The following CDKAL1 variants were observed in gnomAD, a reference collection of about 807,000 sequenced individuals.
CDKAL1 encodes the protein threonylcarbamoyladenosine tRNA methylthiotransferase.
CDKAL1 carries 32 observed loss-of-function variants against 68.2 expected under a neutral mutation model. The ratio of observed to expected loss-of-function variants is 0.47; its 90% CI spans 0.35 to 0.63. The LOEUF is 0.63. Ranked by LOEUF, CDKAL1 falls within the 30% of genes least tolerant of loss-of-function variation. CDKAL1 has a pLI of 0.00. For missense variants in CDKAL1, 606 were observed against 696.7 expected, an observed-to-expected ratio of 0.87 and a Z score of 1.47; for synonymous variants, 234 against 244.3, an observed-to-expected ratio of 0.96 and a Z score of 0.39.
intron 13 of CDKAL1, among the ~76,000 whole-genome samples, chr6:21,194,988 C>T (rs9366389): frequency 6.6e-6 from 1 of 152,174 alleles, no homozygotes; most frequent in Admixed American, 6.5e-5. Flanking sequence ...GTTGCCCAGA[C>T]TGGAGTGCAG....
At chr6:20,595,435 TG>T (rs1765779188) in intron 4 of CDKAL1, among the ~76,000 whole-genome samples, 1 of 152,112 alleles carries the variant, frequency 6.6e-6, no homozygotes, top group Admixed American at 6.5e-5. Flanking sequence ...CTTTAGTCTC[TG>T]ATATCCTTTC....
At chr6:20,746,658 A>G (rs1773676222) in intron 6 of CDKAL1, among the ~76,000 whole-genome samples, 1 of 152,232 alleles carries the variant, frequency 6.6e-6, no homozygotes, top group East Asian at 1.9e-4. Flanking sequence ...GTAAAGGGGA[A>G]ACATCTGAAC....
chr6:21,001,817 T>G (rs1028085021), intron 11 of CDKAL1, among the ~76,000 whole-genome samples: 5 of 152,234 alleles, frequency 3.3e-5, no homozygotes, highest in Non-Finnish European at 7.3e-5. Context: ...TCAAGTCAGT[T>G]GCACTTGTGA....
At position 21,000,301 on chromosome 6, in the gene CDKAL1, C is replaced by T. The variant is rs777514335; in HGVS notation, c.984C>T (p.Ser328=). Residue 328 remains serine (S), a synonymous_variant, in exon 11 of 16, where the codon AGC becomes AGT. Transcript: ENST00000274695. ...TACCAGTCCAGTCTGCCTCCGACAG[C>T]GTACTCATGGAAATGAAAAGAGAAT... The part of the protein sequence containing the change: ...LHIPVQSASD[S]VLMEMKREYC... 29 of 1,613,408 alleles carry T rather than the reference C, an allele frequency of 1.8e-5. No individual in the cohort carries two copies. Among genetic ancestry groups the T allele is most frequent in the Non-Finnish European group, 2.2e-5 (26 of 1,179,418 alleles).
intron 4 of CDKAL1, among the ~76,000 whole-genome samples, chr6:20,626,092 C>G (rs979276958): frequency 3.3e-5 from 5 of 152,128 alleles, no homozygotes; most frequent in African/African-American, 9.7e-5. Context: ...TATTTTACTT[C>G]TAAGTTCACT....
intron 8 of CDKAL1, among the ~76,000 whole-genome samples, chr6:20,809,963 G>A (rs9358371): frequency 0.28 from 43,256 of 151,818 alleles, 7,276 homozygotes; most frequent in East Asian, 0.37. Flanking sequence ...GGAAAAACAA[G>A]CATCAAGTTG....
At chr6:20,899,079 T>G (rs895280780) in intron 9 of CDKAL1, among the ~76,000 whole-genome samples, 4 of 148,232 alleles carry the variant, frequency 2.7e-5, no homozygotes, top group Non-Finnish European at 4.5e-5. Flanking sequence ...TTTTTTTTTT[T>G]TTTTTGATGG....
intron 4 of CDKAL1, among the ~76,000 whole-genome samples, chr6:20,625,521 G>A (rs1767390095): frequency 1.3e-5 from 2 of 152,064 alleles, no homozygotes; most frequent in African/African-American, 2.4e-5. Flanking sequence ...ACAAATCCCT[G>A]AAAATCAGTG....
chr6:21,154,501 A>G (rs1776551944), intron 13 of CDKAL1, among the ~76,000 whole-genome samples: 1 of 152,204 alleles, frequency 6.6e-6, no homozygotes, highest in African/African-American at 2.4e-5. Context: ...ATATTAACCA[A>G]TCCTTATACT....
chr6:20,640,073 T>C (rs1768098926), intron 4 of CDKAL1, among the ~76,000 whole-genome samples: 1 of 150,992 alleles, frequency 6.6e-6, no homozygotes, highest in South Asian at 2.1e-4. Flanking sequence ...AGGCAGTCAA[T>C]GATTTGTGTT....
intron 12 of CDKAL1, among the ~76,000 whole-genome samples, chr6:21,099,672 C>G (rs1162822587): frequency 2.0e-5 from 3 of 152,180 alleles, no homozygotes. Flanking sequence ...TATAGCAACT[C>G]GTGTTCTTAT....
At chr6:21,000,402 C>T (rs367818741) in intron 11 of CDKAL1, 30 bp downstream of exon 11, 23 of 1,569,430 alleles carry the variant, frequency 1.5e-5, no homozygotes, top group Non-Finnish European at 2.0e-5. Context: ...AGAAAATAAC[C>T]ATTTCTTTTT....
chr6:20,720,648 C>T (rs190549234), intron 5 of CDKAL1, among the ~76,000 whole-genome samples: 155 of 152,154 alleles, frequency 1.0e-3, no homozygotes, highest in African/African-American at 3.3e-3. Flanking sequence ...TACAGGCATA[C>T]GCCACCAGGC....
chr6:20,918,386 C>T (rs1762809906), intron 9 of CDKAL1, among the ~76,000 whole-genome samples: 1 of 152,176 alleles, frequency 6.6e-6, no homozygotes, highest in Non-Finnish European at 1.5e-5. Context: ...GACATAGTTG[C>T]AAAATGGTTA....
intron 7 of CDKAL1, among the ~76,000 whole-genome samples, chr6:20,770,829 G>C (rs1774910199): frequency 6.6e-6 from 1 of 152,182 alleles, no homozygotes; most frequent in South Asian, 2.1e-4. Flanking sequence ...TCTAGGAAAA[G>C]GTACTGTGAA....
intron 8 of CDKAL1, among the ~76,000 whole-genome samples, chr6:20,797,809 ATTTTATTTT>A (rs1057074580): frequency 6.8e-6 from 1 of 146,270 alleles, no homozygotes; most frequent in Admixed American, 6.9e-5. Flanking sequence ...ATTTTATTTT[ATTTTATTTT>A]ATTTTATTTT....
intron 8 of CDKAL1, chr6:20,800,461 T>G (rs1257754526): frequency 6.6e-6 from 1 of 152,104 alleles, no homozygotes; most frequent in Non-Finnish European, 1.5e-5. Context: ...AAGGGAGGAA[T>G]TGCAAAGGTA....
intron 13 of CDKAL1, among the ~76,000 whole-genome samples, chr6:21,192,842 T>G (rs1778312931): frequency 6.8e-6 from 1 of 147,648 alleles, no homozygotes; most frequent in Admixed American, 6.8e-5. Context: ...AGAGATAGGA[T>G]CTTTCTCTGT....
At chr6:20,945,362 T>C (rs1333621266) in intron 9 of CDKAL1, among the ~76,000 whole-genome samples, 1 of 152,192 alleles carries the variant, frequency 6.6e-6, no homozygotes, top group Non-Finnish European at 1.5e-5. Context: ...GAAAAAAATC[T>C]GAAATCTAAA....
Sources: allele counts gnomAD v4.1 joint callset (sites outside exome capture counted in the v4.1 genomes callset), GRCh38; gene constraint gnomAD v4.1.1; transcripts MANE v1.5; gene names NCBI Gene and HGNC (gene_info 2026-07-23, HGNC 2026-07-21).